The following LRP1B variants were observed in gnomAD, a reference collection of about 807,000 sequenced individuals.
The protein encoded by LRP1B is LDL receptor related protein 1B.
A neutral mutation model predicts 556.6 loss-of-function variants in LRP1B; 217 were observed. That is an observed-to-expected ratio of 0.39 (90% CI 0.35 to 0.44). The LOEUF (loss-of-function observed/expected upper bound fraction) is 0.44, where lower values mean the gene tolerates loss of function less well. LRP1B is among the 20% of genes least tolerant of loss of function. The pLI is 1.00. For missense variants in LRP1B, 5,053 were observed against 5,620.8 expected, an observed-to-expected ratio of 0.90 and a Z score of 3.23; for synonymous variants, 2,047 against 1,865.8, an observed-to-expected ratio of 1.10 and a Z score of -2.50.
chr2:140,983,604 G>A (rs923828503), intron 17 of LRP1B, among the ~76,000 whole-genome samples: 1 of 152,050 alleles, frequency 6.6e-6, no homozygotes, highest in African/African-American at 2.4e-5. Flanking sequence ...TAAGAAAAGT[G>A]CACTTGCAGT....
At chr2:140,709,036 CT>C (rs1411357293) in intron 37 of LRP1B, among the ~76,000 whole-genome samples, 1 of 151,972 alleles carries the variant, frequency 6.6e-6, no homozygotes, top group Non-Finnish European at 1.5e-5. Flanking sequence ...CAACCAAGAC[CT>C]TTTATATATT....
Position 140,446,954 on chromosome 2 carries a change from A to T in LRP1B, c.10058-2275T>A, listed in dbSNP as rs575138745. Among the ~76,000 whole-genome samples the T allele has an allele frequency of 4.0e-5, 6 of 148,860 alleles. No homozygotes were observed. The South Asian group carries it at 1.3e-3, about 32-fold the overall frequency. On this transcript the variant is annotated intron_variant, in intron 63 of 90. Coordinates refer to ENST00000389484, the MANE Select transcript of LRP1B (RefSeq NM_018557.3). ...AATGGGTTAAAATCCAAAATATATAAAGAATATTCAATAGTAAGAAAAAAA... is the reference window on the plus strand; with the variant it reads ...AATGGGTTAAAATCCAAAATATATATAGAATATTCAATAGTAAGAAAAAAA...
At chr2:140,318,453 C>G (rs1222648014) in intron 82 of LRP1B, among the ~76,000 whole-genome samples, 1 of 152,014 alleles carries the variant, frequency 6.6e-6, no homozygotes, top group East Asian at 1.9e-4. Context: ...TGTAAATAAG[C>G]AAGATTCCTT....
At chr2:140,269,467 G>C (rs1682359973) in intron 86 of LRP1B, 2 of 433,494 alleles carry the variant, frequency 4.6e-6, no homozygotes. Context: ...TACAGAGATA[G>C]TAACATTCAA....
intron 5 of LRP1B, among the ~76,000 whole-genome samples, chr2:141,246,890 G>A (rs766137886): frequency 6.6e-6 from 1 of 152,096 alleles, no homozygotes; most frequent in Non-Finnish European, 1.5e-5. Flanking sequence ...GCCTGAACCT[G>A]GGAGGCAGAG....
intron 22 of LRP1B, among the ~76,000 whole-genome samples, chr2:140,904,305 G>C (rs1436160978): frequency 1.3e-5 from 2 of 151,970 alleles, no homozygotes; most frequent in African/African-American, 4.8e-5. Context: ...GTACCATTAG[G>C]TACATAGAAA....
chr2:140,620,325 T>A (rs958138156), intron 41 of LRP1B, among the ~76,000 whole-genome samples: 1 of 152,178 alleles, frequency 6.6e-6, no homozygotes, highest in African/African-American at 2.4e-5. Flanking sequence ...TGAGATTAAG[T>A]TGAAATTTGC....
At chr2:141,924,382 C>T (rs188694636) in intron 1 of LRP1B, among the ~76,000 whole-genome samples, 2 of 152,242 alleles carry the variant, frequency 1.3e-5, no homozygotes, top group African/African-American at 4.8e-5. Flanking sequence ...GAGCCACCTC[C>T]ACCATTCCAT....
chr2:141,472,548 A>G (rs1297971230), intron 3 of LRP1B, among the ~76,000 whole-genome samples: 1 of 152,180 alleles, frequency 6.6e-6, no homozygotes, highest in Non-Finnish European at 1.5e-5. Flanking sequence ...CTCAAAAAAA[A>G]TTAAAATCAA....
chr2:141,950,031 T>C (rs1336488403), intron 1 of LRP1B, among the ~76,000 whole-genome samples: 1 of 152,158 alleles, frequency 6.6e-6, no homozygotes, highest in East Asian at 1.9e-4. Flanking sequence ...AACTATCCGG[T>C]TTAAAATGCA....
chr2:141,462,820 A>T (rs1296827398), intron 3 of LRP1B, among the ~76,000 whole-genome samples: 1 of 10,338 alleles, frequency 9.7e-5, no homozygotes, highest in Non-Finnish European at 3.2e-3. Context: ...ACAATAAAAT[A>T]TTTTAATTGA....
At chr2:141,951,151 A>C (rs1309260551) in intron 1 of LRP1B, among the ~76,000 whole-genome samples, 1 of 152,022 alleles carries the variant, frequency 6.6e-6, no homozygotes, top group Non-Finnish European at 1.5e-5. Flanking sequence ...CTTTCACATT[A>C]TGCTTTCTTC....
intron 60 of LRP1B, among the ~76,000 whole-genome samples, chr2:140,473,049 C>T (rs1687833857): frequency 6.6e-6 from 1 of 152,052 alleles, no homozygotes; most frequent in Non-Finnish European, 1.5e-5. Context: ...GAAACCATAG[C>T]ATCCTTTGTC....
chr2:140,381,221 C>T (rs1174940448), intron 67 of LRP1B, among the ~76,000 whole-genome samples: 1 of 151,954 alleles, frequency 6.6e-6, no homozygotes, highest in African/African-American at 2.4e-5. Context: ...TAACTTTGAT[C>T]TTATTTGGAT....
intron 7 of LRP1B, among the ~76,000 whole-genome samples, chr2:141,157,882 G>C (rs1234835325): frequency 6.6e-6 from 1 of 152,048 alleles, no homozygotes; most frequent in African/African-American, 2.4e-5. Flanking sequence ...TGATTGGTTA[G>C]GCAGAGTTCA....
intron 3 of LRP1B, among the ~76,000 whole-genome samples, chr2:141,293,330 T>G (rs139521735): frequency 1.8e-3 from 272 of 152,308 alleles, no homozygotes; most frequent in African/African-American, 6.1e-3. Flanking sequence ...ATCAAAAATC[T>G]TTTGTTTTCC....
At chr2:141,611,711 G>A (rs1189225987) in intron 2 of LRP1B, among the ~76,000 whole-genome samples, 3 of 152,084 alleles carry the variant, frequency 2.0e-5, no homozygotes, top group Admixed American at 6.6e-5. Flanking sequence ...GATGTGGTGC[G>A]GAGCCATGCC....
chr2:141,505,445 T>C (rs1574023290), intron 2 of LRP1B, among the ~76,000 whole-genome samples: 1 of 152,178 alleles, frequency 6.6e-6, no homozygotes, highest in Non-Finnish European at 1.5e-5. Flanking sequence ...TGTTATAATA[T>C]GCAAGAAAAC....
chr2:140,343,649 A>T (rs915421242), intron 77 of LRP1B, among the ~76,000 whole-genome samples: 1 of 151,736 alleles, frequency 6.6e-6, no homozygotes, highest in Non-Finnish European at 1.5e-5. Context: ...TTATGGTAAG[A>T]TTCTACTACA....
Sources: allele counts gnomAD v4.1 joint callset (sites outside exome capture counted in the v4.1 genomes callset), GRCh38; gene constraint gnomAD v4.1.1; transcripts MANE v1.5; gene names NCBI Gene and HGNC (gene_info 2026-07-23, HGNC 2026-07-21).